The following PPP6R2 variants were observed in gnomAD, a reference collection of about 807,000 sequenced individuals.
PPP6R2 encodes the protein serine/threonine-protein phosphatase 6 regulatory subunit 2.
In PPP6R2, 62 loss-of-function variants were observed where a neutral mutation model predicts 100.2. The ratio of observed to expected loss-of-function variants is 0.62; its 90% CI spans 0.50 to 0.76. The LOEUF (loss-of-function observed/expected upper bound fraction) is 0.76. Ranked by LOEUF, PPP6R2 falls within the 30% of genes least tolerant of loss-of-function variation. The pLI is 0.00. For synonymous variants in PPP6R2, 525 were observed against 514.7 expected, an observed-to-expected ratio of 1.02 and a Z score of -0.27; for missense variants, 1,142 against 1,276.3, an observed-to-expected ratio of 0.89 and a Z score of 1.60.
intron 2 of PPP6R2, among the ~76,000 whole-genome samples, chr22:50,379,712 T>G: frequency 6.6e-6 from 1 of 152,018 alleles, no homozygotes; most frequent in East Asian, 1.9e-4. Flanking sequence ...AGACCTTGTC[T>G]CTACAAATAA....
Position 50,418,974 on chromosome 22 carries a change from G to A in PPP6R2, c.726G>A (p.Leu242=), listed in dbSNP as rs201055553. 1.2e-6 allele frequency: 2 copies of A among 1,611,978 alleles called. No individual in the cohort carries two copies. The highest frequency in any genetic ancestry group is 1.7e-6 in the Non-Finnish European group (2 of 1,178,110). The part of the protein sequence containing the change: ...ALEPDPLLTA[L]ESQDCVEQLL... ...AGCCAGACCCGCTCCTCACAGCGCT[G>A]GAGTCGTGAGTGCTGGTGGGCCGTG... Residue 242 remains leucine (L), a synonymous_variant, in exon 7 of 24, where the codon CTG becomes CTA. Coordinates refer to ENST00000612753, the MANE Select transcript of PPP6R2 (RefSeq NM_001242898.2).
chr22:50,373,333 C>T (rs1250293530), intron 2 of PPP6R2, among the ~76,000 whole-genome samples: 1 of 150,488 alleles, frequency 6.6e-6, no homozygotes, highest in African/African-American at 2.4e-5. Context: ...GCTCCACCTC[C>T]TGGGTTCATG....
the PPP6R2 span, among the ~76,000 whole-genome samples, chr22:50,337,413 GGTGT>G: frequency 1.4e-5 from 2 of 143,064 alleles, no homozygotes; most frequent in Non-Finnish European, 3.1e-5. Context: ...TGCGATGTGT[GGTGT>G]GTGTGGGGTG....
At position 50,426,833 on chromosome 22, in the gene PPP6R2, CAA is replaced by C. The variant is rs71198248; in HGVS notation, c.1125+3236_1125+3237del. ...TGGGTGACAGAGCGAGATTCTGTTTCAAAAAAAAAAAAAAAAAACACCGTCCT... is the reference window on the plus strand; with the variant it reads ...TGGGTGACAGAGCGAGATTCTGTTTCAAAAAAAAAAAAAAAACACCGTCCT... On this transcript the variant is annotated intron_variant, in intron 10 of 23. Transcript: ENST00000612753. 5.2e-3 allele frequency among the ~76,000 whole-genome samples: 535 copies of C among 102,266 alleles called. 8 individuals are homozygous for C. Among genetic ancestry groups the C allele is most frequent in the African/African-American group, 0.02 (488 of 24,508 alleles). 67.1% of individuals were successfully genotyped at this position (102,266 alleles called of 152,430 possible).
chr22:50,423,001 C>T lies in PPP6R2; in HGVS notation c.973-461C>T, dbSNP rs574855688. Reference sequence around the variant, plus strand: ...CTGAGTGTGGGGGATCAGAAAAGACCGCGGTCCATCGGAGGAGGCATTCCC... The same window carrying T: ...CTGAGTGTGGGGGATCAGAAAAGACTGCGGTCCATCGGAGGAGGCATTCCC... On this transcript the variant is annotated intron_variant, in intron 9 of 23. Coordinates refer to ENST00000612753, the MANE Select transcript of PPP6R2 (RefSeq NM_001242898.2). The surrounding 1 kb of genome is among the most constrained non-coding windows in gnomAD (Gnocchi z 4.8). 3.9e-5 allele frequency among the ~76,000 whole-genome samples: 6 copies of T among 152,258 alleles called. No individual in the cohort carries two copies. Among genetic ancestry groups the T allele is most frequent in the African/African-American group, 7.2e-5 (3 of 41,536 alleles).
At chr22:50,393,653 C>T in intron 2 of PPP6R2, 1 of 962,728 alleles carries the variant, frequency 1.0e-6, no homozygotes, top group Non-Finnish European at 1.2e-6. Flanking sequence ...AGTCTGCTAA[C>T]TTTGTGAGCC....
intron 1 of PPP6R2, among the ~76,000 whole-genome samples, chr22:50,364,333 TAA>T (rs1179982191): frequency 2.6e-5 from 4 of 152,142 alleles, no homozygotes; most frequent in Non-Finnish European, 5.9e-5. Context: ...TTTAGGTATA[TAA>T]GTCATAAAAT....
chr22:50,331,073 C>T, the PPP6R2 span, among the ~76,000 whole-genome samples: 5 of 152,154 alleles, frequency 3.3e-5, no homozygotes, highest in Admixed American at 2.0e-4. Flanking sequence ...ACTGCATGGA[C>T]GATCTAGTTT....
chr22:50,437,604 G>A lies in PPP6R2; in HGVS notation c.1781+1G>A. On this transcript the variant is annotated splice_donor_variant, in intron 16 of 23. Transcript: ENST00000612753. LOFTEE classifies it high-confidence loss of function. ...TTGCCGACCAGGACGACAACATCAA[G>A]TGAGTCTACTTGGAGCGCACTCTGC... 6.2e-7 allele frequency: 1 copy of A among 1,600,042 alleles called. No individual in the cohort carries two copies. The highest frequency in any genetic ancestry group is 1.1e-5 in the South Asian group (1 of 90,772).
Position 50,444,298 on chromosome 22 carries a change from C to T in PPP6R2, c.*51C>T, listed in dbSNP as rs1260225016. 12 of 1,566,024 alleles carry T rather than the reference C, an allele frequency of 7.7e-6. No individual in the cohort carries two copies. Among genetic ancestry groups the T allele is most frequent in the Non-Finnish European group, 1.0e-5 (12 of 1,151,766 alleles). On this transcript the variant is annotated 3_prime_UTR_variant, in exon 24 of 24. Transcript: ENST00000612753. ...ACCCTGGTCAGGCTGCCTCCTTAATCGAGAAAACTACCTGGTGATGCAATC... is the reference window on the plus strand; with the variant it reads ...ACCCTGGTCAGGCTGCCTCCTTAATTGAGAAAACTACCTGGTGATGCAATC...
intron 12 of PPP6R2, 40 bp from the exon 13 acceptor site, chr22:50,434,925 CG>C: frequency 6.4e-7 from 1 of 1,562,030 alleles, no homozygotes. Flanking sequence ...CTGGCAAGGT[CG>C]GGGCCAGGAG....
chr22:50,374,878 C>T (rs1239870564), intron 2 of PPP6R2, among the ~76,000 whole-genome samples: 5 of 139,160 alleles, frequency 3.6e-5, no homozygotes, highest in African/African-American at 8.1e-5. Flanking sequence ...CACGCTACTG[C>T]GCTCCAGCCT....
chr22:50,393,228 G>A (rs536558768), intron 2 of PPP6R2, among the ~76,000 whole-genome samples: 6 of 152,182 alleles, frequency 3.9e-5, no homozygotes, highest in African/African-American at 1.4e-4. Flanking sequence ...TGGTGTATGT[G>A]TGAGGAGGTG....
intron 8 of PPP6R2, 25 bp from the exon 9 acceptor site, chr22:50,422,229 C>G (rs1239377094): frequency 6.2e-7 from 1 of 1,609,480 alleles, no homozygotes; most frequent in Admixed American, 1.7e-5. Context: ...TGTCCCCGGT[C>G]TCCATCTGCT....
At chr22:50,419,935 G>A (rs939086583) in intron 8 of PPP6R2, among the ~76,000 whole-genome samples, 2 of 152,240 alleles carry the variant, frequency 1.3e-5, no homozygotes, top group African/African-American at 2.4e-5. Flanking sequence ...GGTCGGCACC[G>A]CCTGCTGAGC....
chr22:50,352,046 C>T (rs1478488904), intron 1 of PPP6R2, among the ~76,000 whole-genome samples: 5 of 152,240 alleles, frequency 3.3e-5, no homozygotes, highest in Non-Finnish European at 7.4e-5. Context: ...CCGCCTGCCT[C>T]GGCCTCCCAA....
intron 1 of PPP6R2, among the ~76,000 whole-genome samples, chr22:50,350,341 C>T (rs570207544): frequency 6.6e-6 from 1 of 151,260 alleles, no homozygotes; most frequent in South Asian, 2.1e-4. Flanking sequence ...AGCGATTCTC[C>T]TGCCTCAGCC....
At chr22:50,340,093 G>A (rs1217712784), upstream of PPP6R2, among the ~76,000 whole-genome samples, 1 of 144,290 alleles carries the variant, frequency 6.9e-6, no homozygotes. Flanking sequence ...TGTGTGGTAT[G>A]TAGTATGTGT....
chr22:50,338,416 GT>G, upstream of PPP6R2, among the ~76,000 whole-genome samples: 1 of 146,172 alleles, frequency 6.8e-6, no homozygotes, highest in African/African-American at 2.6e-5. Context: ...TGGTATGTGT[GT>G]GTAGGGTGTG....
Sources: allele counts gnomAD v4.1 joint callset (sites outside exome capture counted in the v4.1 genomes callset), GRCh38; gene constraint gnomAD v4.1.1; non-coding constraint Gnocchi (gnomAD v3.1); transcripts MANE v1.5; gene names NCBI Gene and HGNC (gene_info 2026-07-23, HGNC 2026-07-21).